The following HRK variants were observed in gnomAD, a reference collection of about 807,000 sequenced individuals.
HRK encodes activator of apoptosis harakiri.
HRK carries 6 observed loss-of-function variants against 5.9 expected under a neutral mutation model. The observed-to-expected ratio is 1.02, with a 90% CI of 0.56 to 2.01. The LOEUF (loss-of-function observed/expected upper bound fraction) is 2.01, where lower values mean the gene tolerates loss of function less well. HRK is among the 30% of genes most tolerant of loss of function. HRK has a pLI of 0.00. For missense variants in HRK, 133 were observed against 128.3 expected, an observed-to-expected ratio of 1.04 and a Z score of -0.18; for synonymous variants, 85 against 65.1, an observed-to-expected ratio of 1.31 and a Z score of -1.47.
chr12:116,868,715 G>A (rs1172819777), intron 1 of HRK, among the ~76,000 whole-genome samples: 1 of 152,172 alleles, frequency 6.6e-6, no homozygotes, highest in East Asian at 1.9e-4. Context: ...GCCAGGTGCT[G>A]GGATACAGTA....
chr12:116,876,478 G>A (rs1878932912), intron 1 of HRK, among the ~76,000 whole-genome samples: 1 of 152,158 alleles, frequency 6.6e-6, no homozygotes, highest in Non-Finnish European at 1.5e-5. Context: ...GGCTCCCGCT[G>A]GCCCATTATC....
chr12:116,881,027 C>A lies in HRK; in HGVS notation c.*5G>T. The A allele has an allele frequency of 7.5e-7, 1 of 1,339,286 alleles. No homozygotes were observed. Among genetic ancestry groups the A allele is most frequent in the Non-Finnish European group, 9.6e-7 (1 of 1,046,514 alleles). 83.0% of individuals were successfully genotyped at this position (1,339,286 alleles called of 1,614,324 possible). ...GCTCCGGCCCCACCAAGAAGCCCCG[C>A]GTTCCTACAAGTTCCGCCTGCCGAG... On this transcript the variant is annotated 3_prime_UTR_variant, in exon 1 of 2. Transcript: ENST00000257572.
chr12:116,873,583 G>A (rs1256694378), intron 1 of HRK, among the ~76,000 whole-genome samples: 1 of 150,412 alleles, frequency 6.6e-6, no homozygotes, highest in Non-Finnish European at 1.5e-5. Flanking sequence ...ATATTGCCCA[G>A]GTTAGTCTCA....
intron 1 of HRK, among the ~76,000 whole-genome samples, chr12:116,864,127 A>C (rs1304353988): frequency 6.6e-6 from 1 of 152,240 alleles, no homozygotes; most frequent in African/African-American, 2.4e-5. Flanking sequence ...TACATTCTAA[A>C]TTTAGTTTAT....
At chr12:116,863,587 T>C (rs1878439160) in intron 1 of HRK, among the ~76,000 whole-genome samples, 1 of 152,130 alleles carries the variant, frequency 6.6e-6, no homozygotes. Flanking sequence ...ACTCGGGCCC[T>C]AATGGATACA....
intron 1 of HRK, among the ~76,000 whole-genome samples, chr12:116,863,846 A>G (rs1878447347): frequency 1.3e-5 from 2 of 152,014 alleles, no homozygotes; most frequent in Non-Finnish European, 1.5e-5. Flanking sequence ...GGCATGCACC[A>G]CCACATCTGG....
At chr12:116,872,039 G>C (rs1195324221) in intron 1 of HRK, among the ~76,000 whole-genome samples, 1 of 152,180 alleles carries the variant, frequency 6.6e-6, no homozygotes, top group East Asian at 1.9e-4. Context: ...CACAATGATG[G>C]ATGGGGAATG....
intron 1 of HRK, among the ~76,000 whole-genome samples, chr12:116,869,170 C>T (rs1035424657): frequency 1.3e-5 from 2 of 151,858 alleles, no homozygotes; most frequent in East Asian, 1.9e-4. Context: ...AAAATAGAGG[C>T]GAGATTTCGC....
chr12:116,864,476 A>G (rs183781222), intron 1 of HRK, among the ~76,000 whole-genome samples: 234 of 152,328 alleles, frequency 1.5e-3, no homozygotes, highest in African/African-American at 5.5e-3. Flanking sequence ...GAATGGGGTT[A>G]CAATTACCAG....
chr12:116,869,589 G>A (rs768149427), intron 1 of HRK: 11 of 152,212 alleles, frequency 7.2e-5, no homozygotes, highest in Admixed American at 3.9e-4. Flanking sequence ...TGGCAAATGC[G>A]AGATGGAGAA....
chr12:116,876,891 A>T (rs1878952111), intron 1 of HRK: 1 of 152,356 alleles, frequency 6.6e-6, no homozygotes, highest in African/African-American at 2.4e-5. Context: ...CCCGCAAGTC[A>T]TGGGGTGGGG....
intron 1 of HRK, among the ~76,000 whole-genome samples, chr12:116,872,966 C>G (rs545466956): frequency 1.3e-5 from 2 of 148,962 alleles, no homozygotes; most frequent in Admixed American, 1.3e-4. Flanking sequence ...AAAATCACAT[C>G]ACTAAAGGGT....
Position 116,870,957 on chromosome 12 carries a change from C to T in HRK, c.*57-9491G>A, listed in dbSNP as rs192304068. On this transcript the variant is annotated intron_variant, in intron 1 of 1. Coordinates refer to ENST00000257572, the MANE Select transcript of HRK (RefSeq NM_003806.4). ...TATTTGAGACAGAGTCTCGCTCTGT[C>T]GCTCAAGCTGGAGTGCAATGGCATG... 9.2e-5 allele frequency among the ~76,000 whole-genome samples: 14 copies of T among 152,322 alleles called. No individual in the cohort carries two copies. The East Asian group carries it at 2.5e-3, about 27-fold the overall frequency.
intron 1 of HRK, among the ~76,000 whole-genome samples, chr12:116,872,727 A>T (rs1179346352): frequency 2.0e-5 from 3 of 152,080 alleles, no homozygotes; most frequent in African/African-American, 7.2e-5. Context: ...GTGAGCTACG[A>T]TCCTGCTACT....
chr12:116,881,327 G>A lies in HRK; in HGVS notation c.-20C>T. On this transcript the variant is annotated 5_prime_UTR_variant, in exon 1 of 2. Coordinates refer to ENST00000257572, the MANE Select transcript of HRK (RefSeq NM_003806.4). ...GCACATGACCGCTGGCCTCGCTCCCGCCCCGCGCTCGGGCCGCCCCTCGCC... is the reference window on the plus strand; with the variant it reads ...GCACATGACCGCTGGCCTCGCTCCCACCCCGCGCTCGGGCCGCCCCTCGCC... 1.9e-6 allele frequency: 2 copies of A among 1,063,026 alleles called. No homozygotes were observed. Among genetic ancestry groups the A allele is most frequent in the South Asian group, 4.4e-5 (1 of 22,742 alleles). The allele number at this position is 1,063,026 out of a possible 1,614,324, so 65.8% of individuals were successfully genotyped here.
chr12:116,877,367 T>G (rs1878974396), intron 1 of HRK, among the ~76,000 whole-genome samples: 1 of 152,158 alleles, frequency 6.6e-6, no homozygotes, highest in Admixed American at 6.5e-5. Context: ...CACTGGACAC[T>G]TTAAATGAAT....
chr12:116,880,810 C>T (rs1879116820), intron 1 of HRK, among the ~76,000 whole-genome samples, 166 bp downstream of exon 1: 1 of 151,946 alleles, frequency 6.6e-6, no homozygotes, highest in Non-Finnish European at 1.5e-5. Flanking sequence ...AGACTGGGGA[C>T]TGGGTAGAAG....
rs545994190 is a variant in HRK, at chr12:116,881,086, C to A, written c.222G>T (p.Ala74=). ...CCGCCAGCGCCGCCACCTGCGCGGC[C>A]GCGCACAGCCAAGGCCAGTAGGTGG... is the stretch of plus-strand genomic sequence containing the variant. ...ALPTYWPWLC[A]AAQVAALAAW... Residue 74 remains alanine, a synonymous_variant, in exon 1 of 2, where the codon GCG becomes GCT. Transcript: ENST00000257572. The A allele has an allele frequency of 1.9e-5, 25 of 1,340,076 alleles. No individual in the cohort carries two copies. The South Asian group carries it at 3.0e-4, about 16-fold the overall frequency. 83.0% of individuals were successfully genotyped at this position (1,340,076 alleles called of 1,614,324 possible). A position where few individuals can be genotyped will look rare whatever the true frequency, so the allele number is the denominator to read the frequency against.
intron 1 of HRK, among the ~76,000 whole-genome samples, chr12:116,866,260 A>G (rs1878543509): frequency 6.6e-6 from 1 of 151,438 alleles, no homozygotes; most frequent in East Asian, 1.9e-4. Context: ...CCTAGTCCCT[A>G]AGACTTGAAG....
Sources: allele counts gnomAD v4.1 joint callset (sites outside exome capture counted in the v4.1 genomes callset), GRCh38; gene constraint gnomAD v4.1.1; transcripts MANE v1.5; gene names NCBI Gene and HGNC (gene_info 2026-07-23, HGNC 2026-07-21).